The following CAB39 variants were observed in gnomAD, a reference collection of about 807,000 sequenced individuals.
CAB39 encodes calcium binding protein 39.
A neutral mutation model predicts 40.0 loss-of-function variants in CAB39; 8 were observed. The ratio of observed to expected loss-of-function variants is 0.20; its 90% CI spans 0.12 to 0.36. The LOEUF is 0.36. Among genes scored for constraint, CAB39 ranks in the 10% least tolerant of loss-of-function variants. The pLI is 1.00. For synonymous variants in CAB39, 156 were observed against 141.6 expected, an observed-to-expected ratio of 1.10 and a Z score of -0.72; for missense variants, 270 against 401.1, an observed-to-expected ratio of 0.67 and a Z score of 2.79.
intron 2 of CAB39, among the ~76,000 whole-genome samples, chr2:230,773,936 G>A (rs1170711077): frequency 6.6e-6 from 1 of 152,138 alleles, no homozygotes; most frequent in Non-Finnish European, 1.5e-5. Context: ...TGACCACTTA[G>A]TTAAGTATTC....
intron 1 of CAB39, among the ~76,000 whole-genome samples, chr2:230,744,424 A>C (rs891958526): frequency 1.3e-5 from 2 of 152,060 alleles, no homozygotes; most frequent in African/African-American, 4.8e-5. Flanking sequence ...CTCCTGGGTA[A>C]CTGGGAATAC....
chr2:230,761,648 A>G (rs1695294053), intron 2 of CAB39, among the ~76,000 whole-genome samples: 1 of 152,130 alleles, frequency 6.6e-6, no homozygotes. Context: ...TTCGGTACCT[A>G]TGAGTTATCA....
intron 1 of CAB39, among the ~76,000 whole-genome samples, chr2:230,738,124 C>A (rs1456423168): frequency 6.6e-6 from 1 of 152,208 alleles, no homozygotes; most frequent in Admixed American, 6.5e-5. Flanking sequence ...CAACGCAGTT[C>A]AAGAAACGTC....
intron 1 of CAB39, among the ~76,000 whole-genome samples, chr2:230,716,439 C>T (rs1694351521): frequency 6.6e-6 from 1 of 152,188 alleles, no homozygotes. Context: ...CATGAAAATA[C>T]ACAAATCCAA....
chr2:230,751,836 A>G (rs1695090716), intron 1 of CAB39, among the ~76,000 whole-genome samples: 1 of 152,200 alleles, frequency 6.6e-6, no homozygotes, highest in Non-Finnish European at 1.5e-5. Context: ...AAAGGAGAAT[A>G]TATGCCAAAC....
At chr2:230,722,727 G>C (rs1395432280) in intron 1 of CAB39, among the ~76,000 whole-genome samples, 1 of 152,206 alleles carries the variant, frequency 6.6e-6, no homozygotes, top group African/African-American at 2.4e-5. Context: ...GATGGCTGAA[G>C]TCTCAAATTC....
chr2:230,800,744 A>G (rs1696076498), intron 5 of CAB39, among the ~76,000 whole-genome samples: 1 of 152,148 alleles, frequency 6.6e-6, no homozygotes, highest in Admixed American at 6.5e-5. Flanking sequence ...CCCCGTCAGG[A>G]TGTGGTTGAC....
intron 4 of CAB39, among the ~76,000 whole-genome samples, chr2:230,795,339 C>T (rs1481316854): frequency 6.6e-6 from 1 of 151,456 alleles, no homozygotes; most frequent in Non-Finnish European, 1.5e-5. Context: ...TCTGAGCTCT[C>T]TTTTAATCTA....
intron 2 of CAB39, among the ~76,000 whole-genome samples, chr2:230,773,720 T>C (rs1049139687): frequency 6.6e-6 from 1 of 152,248 alleles, no homozygotes; most frequent in Non-Finnish European, 1.5e-5. Flanking sequence ...GCGGATTTGC[T>C]CTTAGTAAAA....
chr2:230,744,356 C>T (rs527771958), intron 1 of CAB39, among the ~76,000 whole-genome samples: 92 of 152,274 alleles, frequency 6.0e-4, no homozygotes, highest in Admixed American at 9.8e-4. Context: ...TGCAGTGGCA[C>T]GATCTCGGCT....
intron 1 of CAB39, among the ~76,000 whole-genome samples, chr2:230,757,354 C>T (rs1695210922): frequency 1.3e-5 from 2 of 152,188 alleles, no homozygotes; most frequent in Admixed American, 1.3e-4. Flanking sequence ...ACCTTAGACT[C>T]CCAAAGTGCT....
intron 2 of CAB39, among the ~76,000 whole-genome samples, chr2:230,772,056 T>A (rs896106574): frequency 8.6e-5 from 13 of 152,004 alleles, no homozygotes; most frequent in South Asian, 2.1e-4. Context: ...CAATTCATTT[T>A]AAAAAAAATG....
chr2:230,811,180 T>A (rs1032712373), intron 6 of CAB39, among the ~76,000 whole-genome samples: 10 of 152,258 alleles, frequency 6.6e-5, no homozygotes, highest in Non-Finnish European at 1.5e-4. Flanking sequence ...GATTTTAATT[T>A]TTCCACTACT....
rs192255391 is a variant in CAB39, at chr2:230,793,179, C to T, written c.280-34C>T. ...GTGAATGAGCATTTTGATGTTTGGT[C>T]AGGAAAATGTGTTAATGATTGTATT... is the stretch of plus-strand genomic sequence containing the variant. On this transcript the variant is annotated intron_variant, in intron 3 of 8. Coordinates refer to ENST00000258418, the MANE Select transcript of CAB39 (RefSeq NM_016289.4). The T allele has an allele frequency of 5.9e-5, 72 of 1,228,966 alleles. 2 individuals are homozygous for T. In the Admixed American group the frequency reaches 6.7e-4, roughly 11 times the overall value. The allele number at this position is 1,228,966 out of a possible 1,614,324, so 76.1% of individuals were successfully genotyped here.
At chr2:230,714,831 T>G (rs1280006609) in intron 1 of CAB39, among the ~76,000 whole-genome samples, 1 of 152,230 alleles carries the variant, frequency 6.6e-6, no homozygotes, top group East Asian at 1.9e-4. Flanking sequence ...GTATTCGAAA[T>G]CTAGAATATA....
At chr2:230,804,600 A>T (rs932421278) in intron 5 of CAB39, among the ~76,000 whole-genome samples, 2 of 152,238 alleles carry the variant, frequency 1.3e-5, no homozygotes, top group Non-Finnish European at 2.9e-5. Context: ...ATGAACAGAC[A>T]CTTTTCAAAA....
At chr2:230,786,213 C>G (rs947283422) in intron 2 of CAB39, among the ~76,000 whole-genome samples, 27 of 150,914 alleles carry the variant, frequency 1.8e-4, no homozygotes, top group Admixed American at 7.9e-4. Context: ...CCATGTTGCC[C>G]AGGCTGGTCT....
intron 2 of CAB39, among the ~76,000 whole-genome samples, chr2:230,780,037 G>A (rs934805885): frequency 4.6e-5 from 7 of 152,184 alleles, no homozygotes; most frequent in Non-Finnish European, 1.0e-4. Context: ...ATCTGGTCCA[G>A]TTCCCTTAAT....
chr2:230,818,320 A>T lies in CAB39; in HGVS notation c.838-196A>T, dbSNP rs556395173. The T allele has an allele frequency of 5.1e-5, 28 of 552,332 alleles. No homozygotes were observed. The East Asian group carries it at 8.3e-4, about 16-fold the overall frequency. 34.2% of individuals were successfully genotyped at this position (552,332 alleles called of 1,614,324 possible). On this transcript the variant is annotated intron_variant, in intron 8 of 8. Transcript: ENST00000258418. ...CTGGCAGAATGAGTTTATCAGTCGT[A>T]TTTGTGTTAAAACATGTAATTATTA...
Sources: gnomAD v4.1 joint callset for allele counts (sites outside exome capture counted in the v4.1 genomes callset) on GRCh38, gnomAD v4.1.1 for gene constraint, MANE v1.5 for transcripts, NCBI Gene and HGNC (gene_info 2026-07-23, HGNC 2026-07-21) for gene names.